ASGR1: variants seen among roughly 807,000 people sequenced by gnomAD.
ASGR1 encodes asialoglycoprotein receptor 1, also known as C-type lectin domain family 4 member H1.
Under a neutral mutation model 33.1 loss-of-function variants are expected in ASGR1, and 35 were observed. That is an observed-to-expected ratio of 1.06 (90% CI 0.81 to 1.40). ASGR1 has a LOEUF of 1.40. Among genes scored for constraint, ASGR1 ranks in the 40% most tolerant of loss-of-function variants. The pLI is 0.00. For missense variants in ASGR1, 396 were observed against 373.7 expected, an observed-to-expected ratio of 1.06 and a Z score of -0.49; for synonymous variants, 142 against 152.5, an observed-to-expected ratio of 0.93 and a Z score of 0.51.
In ASGR1 at chr17:7,173,732, ACGT is replaced by A. The variant is rs1192475752; in HGVS notation, c.800_802del (p.Asp267del). 1 of 1,613,778 alleles carries A rather than the reference ACGT, an allele frequency of 6.2e-7. No individual in the cohort carries two copies. The highest frequency in any genetic ancestry group is 1.1e-5 in the South Asian group (1 of 91,084). On this transcript the variant is annotated inframe_deletion, in exon 9 of 9. Transcript: ENST00000269299. This position sits in a 1 kb window ranked among gnomAD's most constrained non-coding sequence, Gnocchi z 4.7. The stretch of plus-strand genomic sequence containing the variant: ...GACCCAGCGGTAGGGCCTCTGGCAG[ACGT>A]CGTCGTTCCAGCGGCCGTCGTCGGT...
Position 7,173,724 on chromosome 17 carries a change from T to A in ASGR1, c.811A>T (p.Arg271Trp). The change falls in exon 9 of 9, where the codon AGG becomes TGG. Residue 271 changes from arginine to tryptophan, a missense_variant. Transcript: ENST00000269299. The surrounding 1 kb of genome is among the most constrained non-coding windows in gnomAD (Gnocchi z 4.7). ...GTCTCGCAGACCCAGCGGTAGGGCC[T>A]CTGGCAGACGTCGTCGTTCCAGCGG... The part of the protein sequence containing the change: ...DGRWNDDVCQ[R>W]PYRWVCETEL... The A allele has an allele frequency of 6.2e-7, 1 of 1,613,866 alleles. No homozygotes were observed. The highest frequency in any genetic ancestry group is 8.5e-7 in the Non-Finnish European group (1 of 1,180,040).
intron 5 of ASGR1, among the ~76,000 whole-genome samples, chr17:7,175,660 C>T (rs541314102): frequency 6.6e-6 from 1 of 151,706 alleles, no homozygotes; most frequent in East Asian, 1.9e-4. Flanking sequence ...CATTCTCACA[C>T]ACATAAACAC....
chr17:7,178,384 G>A, intron 2 of ASGR1, 110 bp downstream of exon 2: 3 of 1,154,800 alleles, frequency 2.6e-6, no homozygotes, highest in African/African-American at 1.5e-5. Flanking sequence ...GGGGGAGGGA[G>A]ACAGACCCAG....
At chr17:7,174,934 C>A (rs1351557335) in intron 5 of ASGR1, among the ~76,000 whole-genome samples, 1 of 150,530 alleles carries the variant, frequency 6.6e-6, no homozygotes, top group African/African-American at 2.4e-5. Context: ...CCCTAACCCA[C>A]ATACACAAAA....
chr17:7,173,854 G>A lies in ASGR1; in HGVS notation c.702-21C>T, dbSNP rs1282882208. On this transcript the variant is annotated intron_variant, in intron 8 of 8. Coordinates refer to ENST00000269299, the MANE Select transcript of ASGR1 (RefSeq NM_001671.5). This position sits in a 1 kb window ranked among gnomAD's most constrained non-coding sequence, Gnocchi z 4.7. ...AGTTCCTGGGGACAGAGCCAGCTGTGGGCCCCAGGAGGTCGGATCCGCAGG... is the reference window on the plus strand; with the variant it reads ...AGTTCCTGGGGACAGAGCCAGCTGTAGGCCCCAGGAGGTCGGATCCGCAGG... 3.1e-6 allele frequency: 5 copies of A among 1,607,730 alleles called. No homozygotes were observed. In the East Asian group the frequency reaches 8.9e-5, roughly 29 times the overall value.
At chr17:7,177,622 C>T (rs983917005) in intron 2 of ASGR1, 1 of 321,392 alleles carries the variant, frequency 3.1e-6, no homozygotes, top group South Asian at 7.2e-5. Flanking sequence ...AACCTCAGTC[C>T]ACCCCCTCCT....
rs147127857 is a variant in ASGR1, at chr17:7,173,895, T to C, written c.702-62A>G. 1.3e-3 allele frequency: 2,032 copies of C among 1,609,882 alleles called. 26 individuals carry two copies. In the African/African-American group the frequency reaches 0.024, roughly 19 times the overall value. ...GATCCGCAGGCGGGTCGCTCCAGAC[T>C]CCTCAGCCCAGGGCCCCAGGGCGCG... is the stretch of plus-strand genomic sequence containing the variant. On this transcript the variant is annotated intron_variant, in intron 8 of 8. Coordinates refer to ENST00000269299, the MANE Select transcript of ASGR1 (RefSeq NM_001671.5). This position sits in a 1 kb window ranked among gnomAD's most constrained non-coding sequence, Gnocchi z 4.7.
At chr17:7,175,216 TACAC>T (rs991715978) in intron 5 of ASGR1, among the ~76,000 whole-genome samples, 22 of 129,002 alleles carry the variant, frequency 1.7e-4, no homozygotes, top group African/African-American at 5.0e-4. Context: ...AACACACCCT[TACAC>T]ACCCACTCAC....
rs761060045 is a variant in ASGR1 at position 7,177,059 on chromosome 17, C to A, written c.205G>T (p.Glu69Ter). The A allele has an allele frequency of 1.2e-6, 2 of 1,613,784 alleles. No individual in the cohort carries two copies. The highest frequency in any genetic ancestry group is 2.2e-5 in the South Asian group (2 of 91,074). ...AACGTCTCTCTCAGGCCCCGCAGCT[C>A]CTCCTGCAGCTGGGAGTCTGGCCAG... is the stretch of plus-strand genomic sequence containing the variant. ...IGSQNSQLQE[E>*]LRGLRETFSN... Residue 69 changes from glutamate to a stop codon, truncating the protein, a stop_gained, in exon 4 of 9, where the codon GAG (glutamate) becomes TAG (stop). Coordinates refer to ENST00000269299, the MANE Select transcript of ASGR1 (RefSeq NM_001671.5). LOFTEE classifies it high-confidence loss of function.
Position 7,177,022 on chromosome 17 carries a change from G to C in ASGR1, c.242C>G (p.Thr81Arg). The C allele has an allele frequency of 6.2e-7, 1 of 1,612,778 alleles. No individual in the cohort carries two copies. Among genetic ancestry groups the C allele is most frequent in the Non-Finnish European group, 8.5e-7 (1 of 1,179,926 alleles). Reference protein sequence around the residue: ...RGLRETFSNFTASTEAQVKGL... With the variant: ...RGLRETFSNFRASTEAQVKGL... ...CTTGACCTGGGCCTCCGTGCTCGCT[G>C]TGAAGTTGCTGAACGTCTCTCTCAG... Residue 81 changes from threonine to arginine, a missense_variant, in exon 4 of 9, where the codon ACA becomes AGA. Coordinates refer to ENST00000269299, the MANE Select transcript of ASGR1 (RefSeq NM_001671.5).
intron 5 of ASGR1, chr17:7,176,549 T>C (rs1567793879): frequency 1.0e-5 from 5 of 487,076 alleles, no homozygotes; most frequent in South Asian, 6.6e-5. Context: ...CATCTCATTC[T>C]CACACACACA....
chr17:7,178,732 TC>T (rs1567794948), intron 1 of ASGR1, 144 bp from the exon 2 acceptor site: 22 of 177,624 alleles, frequency 1.2e-4, no homozygotes, highest in Non-Finnish European at 1.5e-4. Context: ...TTCTTTTTTT[TC>T]TTTTCTTTTT....
At position 7,173,722 on chromosome 17, in the gene ASGR1, C is replaced by T; in HGVS notation, c.813G>A (p.Arg271=). 1 of 1,613,876 alleles carries T rather than the reference C, an allele frequency of 6.2e-7. No individual in the cohort carries two copies. The highest frequency in any genetic ancestry group is 8.5e-7 in the Non-Finnish European group (1 of 1,180,044). The change falls in exon 9 of 9, where the codon AGG becomes AGA. Residue 271 remains arginine, a synonymous_variant. Coordinates refer to ENST00000269299, the MANE Select transcript of ASGR1 (RefSeq NM_001671.5). This position sits in a 1 kb window ranked among gnomAD's most constrained non-coding sequence, Gnocchi z 4.7. The part of the protein sequence containing the change: ...DGRWNDDVCQ[R]PYRWVCETEL... ...CTGTCTCGCAGACCCAGCGGTAGGGCCTCTGGCAGACGTCGTCGTTCCAGC... is the reference window on the plus strand; with the variant it reads ...CTGTCTCGCAGACCCAGCGGTAGGGTCTCTGGCAGACGTCGTCGTTCCAGC...
chr17:7,177,386 G>T (rs2069231222), intron 2 of ASGR1, 60 bp from the exon 3 acceptor site: 2 of 1,390,622 alleles, frequency 1.4e-6, no homozygotes, highest in Non-Finnish European at 2.0e-6. Context: ...ACAGCTCCAG[G>T]GTCCTAAAAG....
chr17:7,174,507 G>A, intron 5 of ASGR1, 47 bp from the exon 6 acceptor site: 3 of 1,578,284 alleles, frequency 1.9e-6, no homozygotes, highest in Non-Finnish European at 2.6e-6. Flanking sequence ...CGGAAACCAC[G>A]GGGAGGGAAA....
At chr17:7,176,076 TCTC>T (rs1352467076) in intron 5 of ASGR1, among the ~76,000 whole-genome samples, 19 of 135,168 alleles carry the variant, frequency 1.4e-4, no homozygotes, top group African/African-American at 5.7e-4. Context: ...ATCCACTCCT[TCTC>T]ATTCTCACAC....
Position 7,173,594 on chromosome 17 carries a change from G to T in ASGR1, c.*65C>A. 6.3e-7 allele frequency: 1 copy of T among 1,596,514 alleles called. No homozygotes were observed. The highest frequency in any genetic ancestry group is 8.5e-7 in the Non-Finnish European group (1 of 1,169,922). Reference sequence around the variant, plus strand: ...GAAAATTCCCGAGAAAGCAGAAGAGGCCCCCAGATGGGCGGATTCCCAATC... The same window carrying T: ...GAAAATTCCCGAGAAAGCAGAAGAGTCCCCCAGATGGGCGGATTCCCAATC... On this transcript the variant is annotated 3_prime_UTR_variant, in exon 9 of 9. Transcript: ENST00000269299. This position sits in a 1 kb window ranked among gnomAD's most constrained non-coding sequence, Gnocchi z 4.7.
chr17:7,175,084 TACAC>T (rs1020236319), intron 5 of ASGR1, among the ~76,000 whole-genome samples: 17 of 120,630 alleles, frequency 1.4e-4, no homozygotes, highest in East Asian at 1.4e-3. Flanking sequence ...GTAACCCACA[TACAC>T]AGACAACACA....
chr17:7,176,515 CCCCTCTCATTCCCACACACACA>C, intron 5 of ASGR1: 1 of 449,678 alleles, frequency 2.2e-6, no homozygotes. Context: ...AGACACACAC[CCCCTCTCATTCCCACACACACA>C]CCATCTCATT....
Sources: gnomAD v4.1 joint callset for allele counts (sites outside exome capture counted in the v4.1 genomes callset) on GRCh38, gnomAD v4.1.1 for gene constraint, Gnocchi (gnomAD v3.1) non-coding constraint, MANE v1.5 for transcripts, NCBI Gene and HGNC (gene_info 2026-07-23, HGNC 2026-07-21) for gene names.